USP37: variants seen among roughly 807,000 people sequenced by gnomAD.
USP37 encodes the protein ubiquitin carboxyl-terminal hydrolase 37.
USP37 carries 27 observed loss-of-function variants against 124.0 expected under a neutral mutation model. That is an observed-to-expected ratio of 0.22 (90% CI 0.16 to 0.30). The LOEUF is 0.30. Among genes scored for constraint, USP37 ranks in the 10% least tolerant of loss-of-function variants. USP37 has a pLI of 1.00. For missense variants in USP37, 889 were observed against 1,140.4 expected (o/e 0.78, Z 3.17); for synonymous variants, 365 against 388.0 (o/e 0.94, Z 0.70).
intron 11 of USP37, among the ~76,000 whole-genome samples, chr2:218,509,088 G>C (rs1336300173): frequency 6.6e-6 from 1 of 152,094 alleles, no homozygotes; most frequent in East Asian, 1.9e-4. Flanking sequence ...TGTGTATAAC[G>C]ATCTTCACTC....
intron 10 of USP37, among the ~76,000 whole-genome samples, chr2:218,513,305 A>G (rs1227937644): frequency 6.6e-6 from 1 of 152,196 alleles, no homozygotes; most frequent in Non-Finnish European, 1.5e-5. Flanking sequence ...TGCTACGATT[A>G]CAGGCGTGAG....
intron 23 of USP37, among the ~76,000 whole-genome samples, chr2:218,457,858 T>C (rs1257438332): frequency 2.6e-5 from 4 of 151,616 alleles, no homozygotes; most frequent in African/African-American, 9.7e-5. Flanking sequence ...CCATCCTGCC[T>C]AACACAGTGA....
chr2:218,481,677 TC>T (rs1307051100), intron 17 of USP37, among the ~76,000 whole-genome samples: 3 of 149,298 alleles, frequency 2.0e-5, no homozygotes, highest in African/African-American at 7.6e-5. Flanking sequence ...TCTTTTCTTT[TC>T]TTTTCTTTTT....
intron 10 of USP37, chr2:218,528,382 T>A (rs1408106173): frequency 6.3e-6 from 1 of 158,168 alleles, no homozygotes; most frequent in South Asian, 2.1e-4. Flanking sequence ...CATCAACCCA[T>A]CATCTACATT....
At chr2:218,472,479 T>C (rs934294314) in intron 20 of USP37, among the ~76,000 whole-genome samples, 1 of 152,062 alleles carries the variant, frequency 6.6e-6, no homozygotes, top group Admixed American at 6.6e-5. Flanking sequence ...TTTTTTTTTT[T>C]TGAGACAGAG....
intron 10 of USP37, among the ~76,000 whole-genome samples, chr2:218,519,208 T>C (rs1690459235): frequency 6.6e-6 from 1 of 152,224 alleles, no homozygotes. Context: ...CTAAGAATTA[T>C]AGAAATATGT....
rs939585530 is a variant in USP37 at position 218,453,915 on chromosome 2, G to C, written c.*1015C>G. 4.6e-5 allele frequency: 7 copies of C among 152,102 alleles called. No individual in the cohort carries two copies. Among genetic ancestry groups the C allele is most frequent in the African/African-American group, 1.7e-4 (7 of 41,420 alleles). The allele number at this position is 152,102 out of a possible 1,614,324, so 9.4% of individuals were successfully genotyped here. ...GTCCAGAATTTTAGCTTTACCAGAA[G>C]AACACTCTTCTTATCCTCCCTATGT... On this transcript the variant is annotated 3_prime_UTR_variant, in exon 26 of 26. Coordinates refer to ENST00000258399, the MANE Select transcript of USP37 (RefSeq NM_020935.3).
chr2:218,458,066 A>G (rs1689793329), intron 23 of USP37, among the ~76,000 whole-genome samples: 1 of 150,304 alleles, frequency 6.7e-6, no homozygotes, highest in African/African-American at 2.4e-5. Context: ...AAAAGAAAAG[A>G]AAAGAAAAAA....
chr2:218,520,816 G>C (rs1690569743), intron 10 of USP37, among the ~76,000 whole-genome samples: 1 of 152,278 alleles, frequency 6.6e-6, no homozygotes, highest in Non-Finnish European at 1.5e-5. Flanking sequence ...ACATCAACTT[G>C]GTGAAGAGAA....
intron 13 of USP37, among the ~76,000 whole-genome samples, chr2:218,496,520 G>A (rs1689087613): frequency 1.3e-5 from 2 of 152,038 alleles, no homozygotes; most frequent in Admixed American, 1.3e-4. Context: ...ATGAATCAAT[G>A]AATAACTCCT....
chr2:218,519,278 T>C (rs948878232), intron 10 of USP37, among the ~76,000 whole-genome samples: 2 of 152,368 alleles, frequency 1.3e-5, no homozygotes, highest in Middle Eastern at 6.8e-3. Context: ...ACATTTATTA[T>C]GTCAATCATC....
At chr2:218,530,654 A>C (rs757580766) in intron 9 of USP37, among the ~76,000 whole-genome samples, 3 of 152,232 alleles carry the variant, frequency 2.0e-5, no homozygotes, top group Non-Finnish European at 4.4e-5. Context: ...GCAATAATTA[A>C]GCCCAGTCAG....
chr2:218,486,778 T>A (rs897218465), intron 15 of USP37, among the ~76,000 whole-genome samples: 30 of 151,882 alleles, frequency 2.0e-4, no homozygotes, highest in Admixed American at 1.9e-3. Flanking sequence ...CAGGCTGGAG[T>A]GCAGTGGCGC....
intron 20 of USP37, among the ~76,000 whole-genome samples, chr2:218,469,948 G>A (rs1002248190): frequency 1.8e-4 from 27 of 149,008 alleles, no homozygotes; most frequent in Non-Finnish European, 1.2e-4. Flanking sequence ...AGCCTCCCAA[G>A]TAGCTGGGAC....
At chr2:218,495,689 T>C in intron 14 of USP37, 71 bp downstream of exon 14, 1 of 1,461,486 alleles carries the variant, frequency 6.8e-7, no homozygotes, top group East Asian at 2.3e-5. Context: ...GCATTTGGTA[T>C]GTCATAGAAG....
intron 8 of USP37, among the ~76,000 whole-genome samples, chr2:218,541,414 A>T (rs1340375500): frequency 6.6e-6 from 1 of 152,190 alleles, no homozygotes; most frequent in East Asian, 1.9e-4. Flanking sequence ...GGGATTCACT[A>T]GGGTGCCTCT....
At chr2:218,517,430 C>T (rs370174866) in intron 10 of USP37, among the ~76,000 whole-genome samples, 1,992 of 82,222 alleles carry the variant, frequency 0.024, 43 homozygotes, top group African/African-American at 0.052. Context: ...TGTGGGTAAA[C>T]TCTGTTATTA....
At chr2:218,564,044 C>A (rs1693456698) in intron 1 of USP37, among the ~76,000 whole-genome samples, 1 of 152,106 alleles carries the variant, frequency 6.6e-6, no homozygotes, top group South Asian at 2.1e-4. Flanking sequence ...ACACTCCAGC[C>A]TGGGTGAGGG....
At chr2:218,481,192 C>T (rs993850698) in intron 17 of USP37, among the ~76,000 whole-genome samples, 2 of 152,132 alleles carry the variant, frequency 1.3e-5, no homozygotes, top group African/African-American at 4.8e-5. Flanking sequence ...TCCCAGCATA[C>T]ATGATGAAGC....
Sources: gnomAD v4.1 joint callset for allele counts (sites outside exome capture counted in the v4.1 genomes callset) on GRCh38, gnomAD v4.1.1 for gene constraint, MANE v1.5 for transcripts, NCBI Gene and HGNC (gene_info 2026-07-23, HGNC 2026-07-21) for gene names.